Variants in DRD3 observed in about 807,000 individuals in gnomAD.
DRD3 encodes D(3) dopamine receptor.
DRD3 carries 19 observed loss-of-function variants against 36.3 expected under a neutral mutation model. The observed-to-expected ratio is 0.52, with a 90% CI of 0.36 to 0.77. DRD3 has a LOEUF of 0.77. Ranked by LOEUF, DRD3 falls within the 30% of genes least tolerant of loss-of-function variation. The pLI is 0.00. For synonymous variants in DRD3, 195 were observed against 203.7 expected (o/e 0.96, Z 0.36); for missense variants, 465 against 505.3 (o/e 0.92, Z 0.77).
In DRD3 at chr3:114,131,251, C is replaced by T. The variant is rs201118680; in HGVS notation, c.873G>A (p.Ala291=). ...TTCGAACTTCTAAGCTGAGCTTGGG[C>T]GCTATGGTGGGACTCAGGGAATTCC... is the stretch of plus-strand genomic sequence containing the variant. The part of the protein sequence containing the change: ...KTRNSLSPTI[A]PKLSLEVRKL... The change falls in exon 6 of 7, where the codon GCG becomes GCA. Residue 291 remains alanine, a synonymous_variant. Transcript: ENST00000383673. 50 of 1,614,186 alleles carry T rather than the reference C, an allele frequency of 3.1e-5. No individual in the cohort carries two copies. Among genetic ancestry groups the T allele is most frequent in the East Asian group, 2.9e-4 (13 of 44,888 alleles).
chr3:114,141,680 T>C (rs2107840352), intron 4 of DRD3, among the ~76,000 whole-genome samples: 1 of 152,308 alleles, frequency 6.6e-6, no homozygotes, highest in Admixed American at 6.5e-5. Flanking sequence ...CTAAATTCTC[T>C]GGTTCTCTGA....
chr3:114,147,772 A>G (rs1023455940), intron 3 of DRD3, among the ~76,000 whole-genome samples: 1 of 152,084 alleles, frequency 6.6e-6, no homozygotes, highest in East Asian at 1.9e-4. Context: ...CTGTGCCGCC[A>G]CCACGCCTGC....
At chr3:114,154,739 C>T (rs547887584) in intron 3 of DRD3, among the ~76,000 whole-genome samples, 2 of 152,128 alleles carry the variant, frequency 1.3e-5, no homozygotes, top group South Asian at 2.1e-4. Context: ...TAAAGAACTC[C>T]CTGGTGAATG....
intron 2 of DRD3, among the ~76,000 whole-genome samples, chr3:114,163,774 C>CAGAAGTGA (rs1052399269): frequency 2.6e-5 from 4 of 151,916 alleles, no homozygotes; most frequent in Non-Finnish European, 5.9e-5. Context: ...TGCCTATTAC[C>CAGAAGTGA]AGAAGTGATG....
chr3:114,169,632 C>T, intron 2 of DRD3, among the ~76,000 whole-genome samples: 1 of 151,938 alleles, frequency 6.6e-6, no homozygotes, highest in South Asian at 2.1e-4. Flanking sequence ...GGAAGAAAAC[C>T]TATATGTACT....
At chr3:114,134,502 C>T (rs2077458661) in intron 5 of DRD3, among the ~76,000 whole-genome samples, 1 of 152,094 alleles carries the variant, frequency 6.6e-6, no homozygotes, top group African/African-American at 2.4e-5. Context: ...TCATTGCAAC[C>T]TCTGCCTCCC....
intron 1 of DRD3, among the ~76,000 whole-genome samples, chr3:114,191,414 G>T (rs944669619): frequency 1.3e-5 from 2 of 152,196 alleles, no homozygotes; most frequent in African/African-American, 4.8e-5. Context: ...ATGGGAACAC[G>T]ATTGGCACAT....
intron 5 of DRD3, among the ~76,000 whole-genome samples, chr3:114,133,244 C>T (rs946429719): frequency 3.3e-5 from 5 of 152,214 alleles, no homozygotes; most frequent in Non-Finnish European, 7.3e-5. Context: ...CCACCTTGGC[C>T]TCCCAAAGTG....
At chr3:114,180,343 C>T (rs1243110095), upstream of DRD3, among the ~76,000 whole-genome samples, 1 of 152,044 alleles carries the variant, frequency 6.6e-6, no homozygotes, top group East Asian at 1.9e-4. Flanking sequence ...GAAGCCCTAA[C>T]CTTAGAACAT....
At chr3:114,155,937 C>T (rs191761702) in intron 3 of DRD3, among the ~76,000 whole-genome samples, 6 of 152,268 alleles carry the variant, frequency 3.9e-5, no homozygotes, top group East Asian at 3.9e-4. Flanking sequence ...CTTCCCCTTC[C>T]GCCTCTTCTC....
chr3:114,142,047 CAAAAAAAAAAAAAAA>C (rs771946847), intron 4 of DRD3, among the ~76,000 whole-genome samples: 21 of 64,730 alleles, frequency 3.2e-4, no homozygotes, highest in Non-Finnish European at 4.4e-4. Context: ...GACTCTCTCT[CAAAAAAAAAAAAAAA>C]AAAAAAAAAA....
intron 6 of DRD3, 55 bp from the exon 7 acceptor site, chr3:114,128,967 T>C (rs2077402590): frequency 1.1e-5 from 16 of 1,476,516 alleles, no homozygotes; most frequent in Non-Finnish European, 1.3e-5. Context: ...CTCCTTTTGT[T>C]ATAACATGAG....
chr3:114,171,839 T>G lies in DRD3; in HGVS notation c.154A>C (p.Met52Leu). The G allele has an allele frequency of 6.2e-7, 1 of 1,613,988 alleles. No individual in the cohort carries two copies. Among genetic ancestry groups the G allele is most frequent in the Non-Finnish European group, 8.5e-7 (1 of 1,179,940 alleles). The part of the protein sequence containing the change: ...AIVFGNGLVC[M>L]AVLKERALQT... ...AGGGCCCGCTCCTTCAGCACAGCCA[T>G]GCACACCAGGCCATTGCCGAAGACG... The change falls in exon 2 of 7, where the codon ATG becomes CTG. Residue 52 changes from methionine to leucine, a missense_variant. Met to Leu is a conservative substitution (Grantham distance 15). Coordinates refer to ENST00000383673, the MANE Select transcript of DRD3 (RefSeq NM_000796.6).
At chr3:114,189,383 G>T (rs994314017) in intron 1 of DRD3, among the ~76,000 whole-genome samples, 2 of 152,198 alleles carry the variant, frequency 1.3e-5, no homozygotes, top group African/African-American at 4.8e-5. Flanking sequence ...CTATATACTT[G>T]TTGCATTTGC....
At chr3:114,188,924 T>C (rs929122900) in intron 1 of DRD3, among the ~76,000 whole-genome samples, 1 of 152,200 alleles carries the variant, frequency 6.6e-6, no homozygotes, top group African/African-American at 2.4e-5. Flanking sequence ...CAAAGGGAAT[T>C]ACCTGAAACA....
rs958347845 is a variant in DRD3, at chr3:114,131,205, A to C, written c.919T>G (p.Ser307Ala). 6 of 1,614,154 alleles carry C rather than the reference A, an allele frequency of 3.7e-6. No individual in the cohort carries two copies. Among genetic ancestry groups the C allele is most frequent in the Non-Finnish European group, 4.2e-6 (5 of 1,180,026 alleles). The change falls in exon 6 of 7, where the codon TCG (serine) becomes GCG (alanine). Residue 307 changes from serine (S) to alanine (A), a missense_variant. Transcript: ENST00000383673. ...EVRKLSNGRLSTSLKLGPLQP... is the reference protein window; with the variant it reads ...EVRKLSNGRLATSLKLGPLQP... ...AGGGGCCCCAGCTTCAAAGATGTCG[A>C]TAATCTGCCATTGCTGAGTTTTCGA... is the stretch of plus-strand genomic sequence containing the variant.
chr3:114,147,373 T>G (rs2077577961), intron 4 of DRD3, 42 bp downstream of exon 4: 2 of 1,598,832 alleles, frequency 1.3e-6, no homozygotes, highest in South Asian at 2.2e-5. Flanking sequence ...TCAGCTGTGC[T>G]GTGAATCACA....
At chr3:114,131,000 T>C (rs2077424323) in intron 6 of DRD3, 118 bp downstream of exon 6, 15 of 1,231,440 alleles carry the variant, frequency 1.2e-5, no homozygotes, top group African/African-American at 3.0e-5. Context: ...TTCAATTATA[T>C]TGTGAACATT....
upstream of DRD3, among the ~76,000 whole-genome samples, chr3:114,181,352 G>A (rs998236459): frequency 6.6e-6 from 1 of 152,214 alleles, no homozygotes; most frequent in Non-Finnish European, 1.5e-5. Context: ...TGTGGAAATA[G>A]AAGAGAAGCA....
Sources: gnomAD v4.1 joint callset for allele counts (sites outside exome capture counted in the v4.1 genomes callset) on GRCh38, gnomAD v4.1.1 for gene constraint, MANE v1.5 for transcripts, NCBI Gene and HGNC (gene_info 2026-07-23, HGNC 2026-07-21) for gene names.